The following ADAMTS2 variants were observed in gnomAD, a reference collection of about 807,000 sequenced individuals.
The protein encoded by ADAMTS2 is A disintegrin and metalloproteinase with thrombospondin motifs 2.
In ADAMTS2, 50 loss-of-function variants were observed where a neutral mutation model predicts 123.0. That is an observed-to-expected ratio of 0.41 (90% confidence interval 0.32 to 0.51). The LOEUF (loss-of-function observed/expected upper bound fraction) is 0.51, where lower values mean the gene tolerates loss of function less well. Ranked by LOEUF, ADAMTS2 falls within the 20% of genes least tolerant of loss-of-function variation. The pLI is 0.35. For synonymous variants in ADAMTS2, 678 were observed against 695.4 expected, an observed-to-expected ratio of 0.98 and a Z score of 0.39; for missense variants, 1,494 against 1,705.2, an observed-to-expected ratio of 0.88 and a Z score of 2.18.
intron 4 of ADAMTS2, among the ~76,000 whole-genome samples, chr5:179,195,669 G>T (rs1284647311): frequency 6.6e-6 from 1 of 152,218 alleles, no homozygotes; most frequent in Non-Finnish European, 1.5e-5. Context: ...GGCCCCTCGG[G>T]CCTGGCTACT....
At chr5:179,271,586 G>A (rs893526972) in intron 3 of ADAMTS2, among the ~76,000 whole-genome samples, 1 of 152,174 alleles carries the variant, frequency 6.6e-6, no homozygotes, top group African/African-American at 2.4e-5. Flanking sequence ...TCCAAGGGTG[G>A]GGATAAGTCG....
At chr5:179,198,289 G>A (rs879654749) in intron 4 of ADAMTS2, among the ~76,000 whole-genome samples, 1 of 152,210 alleles carries the variant, frequency 6.6e-6, no homozygotes, top group Admixed American at 6.5e-5. Context: ...GGGAATAGAA[G>A]TCACTCTGCC....
At chr5:179,208,594 C>A (rs1581191422) in intron 3 of ADAMTS2, among the ~76,000 whole-genome samples, 1 of 152,154 alleles carries the variant, frequency 6.6e-6, no homozygotes, top group East Asian at 1.9e-4. Context: ...CTGCTGTGTT[C>A]TGTGTCCTGC....
chr5:179,336,158 C>T (rs1433965073), intron 2 of ADAMTS2, among the ~76,000 whole-genome samples: 1 of 152,230 alleles, frequency 6.6e-6, no homozygotes, highest in African/African-American at 2.4e-5. Flanking sequence ...ATGCAATCGG[C>T]GGGTCTCAGG....
At position 179,128,438 on chromosome 5, in the gene ADAMTS2, G is replaced by A. The variant is rs1475507075; in HGVS notation, c.2458-320C>T. 2.0e-5 allele frequency among the ~76,000 whole-genome samples: 3 copies of A among 152,150 alleles called. No homozygotes were observed. Among genetic ancestry groups the A allele is most frequent in the Admixed American group, 6.5e-5 (1 of 15,276 alleles). On this transcript the variant is annotated intron_variant, in intron 16 of 21. Transcript: ENST00000251582. This position sits in a 1 kb window ranked among gnomAD's most constrained non-coding sequence, Gnocchi z 4.9. ...ATGGAGTTTCGCTCTTGTAGCCCAGGCTGGAGTGTAGTGGCACGATCTCGG... is the reference window on the plus strand; with the variant it reads ...ATGGAGTTTCGCTCTTGTAGCCCAGACTGGAGTGTAGTGGCACGATCTCGG...
At chr5:179,147,302 T>C (rs1763268051) in intron 10 of ADAMTS2, among the ~76,000 whole-genome samples, 1 of 152,180 alleles carries the variant, frequency 6.6e-6, no homozygotes, top group Non-Finnish European at 1.5e-5. Flanking sequence ...TTGGCCAGGC[T>C]GGTCTCGAAC....
chr5:179,287,007 A>G (rs1756039322), intron 2 of ADAMTS2, among the ~76,000 whole-genome samples: 1 of 152,138 alleles, frequency 6.6e-6, no homozygotes, highest in Admixed American at 6.5e-5. Context: ...ATCCTGATCT[A>G]CGGGAGTTTA....
At position 179,314,425 on chromosome 5, in the gene ADAMTS2, C is replaced by T. The variant is rs1025637629; in HGVS notation, c.534+29342G>A. ...GGCCAGGCTCCTCCCCACCCCGTGG[C>T]GTGGCGTGGCGTGGCCGGAATACTC... On this transcript the variant is annotated intron_variant, in intron 2 of 21. Transcript: ENST00000251582. This position sits in a 1 kb window ranked among gnomAD's most constrained non-coding sequence, Gnocchi z 4.5. Among the ~76,000 whole-genome samples, 2 of 146,180 alleles carry T rather than the reference C, an allele frequency of 1.4e-5. No individual in the cohort carries two copies. The highest frequency in any genetic ancestry group is 5.6e-5 in the African/African-American group (2 of 35,960).
intron 2 of ADAMTS2, among the ~76,000 whole-genome samples, chr5:179,299,323 A>T (rs1352805938): frequency 3.1e-5 from 3 of 98,028 alleles, no homozygotes; most frequent in East Asian, 2.9e-4. Flanking sequence ...AGGTCAGGAG[A>T]TGGAGACCAT....
At chr5:179,238,759 C>T (rs1053363653) in intron 3 of ADAMTS2, among the ~76,000 whole-genome samples, 1 of 151,952 alleles carries the variant, frequency 6.6e-6, no homozygotes, top group Admixed American at 6.6e-5. Context: ...GGTAGGTGGC[C>T]CGGGTGCTGG....
chr5:179,331,289 G>A (rs1404211266), intron 2 of ADAMTS2, among the ~76,000 whole-genome samples: 5 of 140,708 alleles, frequency 3.6e-5, no homozygotes, highest in African/African-American at 1.3e-4. Context: ...GGAGAATGGA[G>A]AGAAAAGGGA....
At chr5:179,320,943 G>A (rs547716896) in intron 2 of ADAMTS2, among the ~76,000 whole-genome samples, 2 of 152,140 alleles carry the variant, frequency 1.3e-5, no homozygotes, top group African/African-American at 4.8e-5. Flanking sequence ...CGACACAGAG[G>A]AGAGCAAAGC....
rs1390367588 is a variant in ADAMTS2 at position 179,303,015 on chromosome 5, G to A, written c.535-29951C>T. ...GGTGGGCCTGGGTGGGGTACAGGAG[G>A]TCAGAGTGGTGGGCGGGGGCAGACT... On this transcript the variant is annotated intron_variant, in intron 2 of 21. Transcript: ENST00000251582. This position sits in a 1 kb window ranked among gnomAD's most constrained non-coding sequence, Gnocchi z 4.7. 6.6e-6 allele frequency among the ~76,000 whole-genome samples: 1 copy of A among 150,650 alleles called. No individual in the cohort carries two copies. The highest frequency in any genetic ancestry group is 1.5e-5 in the Non-Finnish European group (1 of 67,572).
Position 179,309,784 on chromosome 5 carries a change from A to G in ADAMTS2, c.534+33983T>C, listed in dbSNP as rs1383632723. On this transcript the variant is annotated intron_variant, in intron 2 of 21. Coordinates refer to ENST00000251582, the MANE Select transcript of ADAMTS2 (RefSeq NM_014244.5). The stretch of plus-strand genomic sequence containing the variant: ...AAAAAAAAAAAAAAAAAAAAAAAAA[A>G]GGCTCTGGCCCTGCCACTTGACCGG... 5.1e-5 allele frequency among the ~76,000 whole-genome samples: 7 copies of G among 137,918 alleles called. No homozygotes were observed. In the East Asian group the frequency reaches 8.7e-4, roughly 17 times the overall value. The allele number at this position is 137,918 out of a possible 152,430, so 90.5% of individuals were successfully genotyped here.
chr5:179,223,524 A>ATG (rs1429715223), intron 3 of ADAMTS2, among the ~76,000 whole-genome samples: 1 of 147,032 alleles, frequency 6.8e-6, no homozygotes, highest in South Asian at 2.2e-4. Flanking sequence ...ATGCACTCAC[A>ATG]CACATGCACT....
At position 179,197,060 on chromosome 5, in the gene ADAMTS2, T is replaced by A. The variant is rs1764446212; in HGVS notation, c.891+10453A>T. Among the ~76,000 whole-genome samples the A allele has an allele frequency of 6.6e-6, 1 of 152,250 alleles. No homozygotes were observed. The highest frequency in any genetic ancestry group is 2.4e-5 in the African/African-American group (1 of 41,476). ...TTAATGTAAAACTGATGTTTTAAAA[T>A]GCTTACCATCCAAAAAAGGGGCCAC... On this transcript the variant is annotated intron_variant, in intron 4 of 21. Transcript: ENST00000251582. The surrounding 1 kb of genome is among the most constrained non-coding windows in gnomAD (Gnocchi z 4.2).
Position 179,345,373 on chromosome 5 carries a change from A to G in ADAMTS2, c.-45T>C, listed in dbSNP as rs886060500. 1.8e-6 allele frequency: 2 copies of G among 1,111,932 alleles called. No individual in the cohort carries two copies. The highest frequency in any genetic ancestry group is 1.7e-5 in the African/African-American group (1 of 60,106). The allele number at this position is 1,111,932 out of a possible 1,614,324, so 68.9% of individuals were successfully genotyped here. ...GGGCCCCGCACTCGCAGCCGGCGCG[A>G]AAGTTCCCCGCGAGCCGCCCAGCCC... On this transcript the variant is annotated 5_prime_UTR_variant, in exon 1 of 22. Coordinates refer to ENST00000251582, the MANE Select transcript of ADAMTS2 (RefSeq NM_014244.5). The surrounding 1 kb of genome is among the most constrained non-coding windows in gnomAD (Gnocchi z 7.5).
chr5:179,259,706 C>T (rs1033757797), intron 3 of ADAMTS2, among the ~76,000 whole-genome samples: 4 of 152,250 alleles, frequency 2.6e-5, no homozygotes, highest in African/African-American at 9.6e-5. Flanking sequence ...TCGCCATCTG[C>T]AGTCTGGCAT....
chr5:179,216,600 C>T (rs1764987858), intron 3 of ADAMTS2, among the ~76,000 whole-genome samples: 1 of 152,224 alleles, frequency 6.6e-6, no homozygotes, highest in Non-Finnish European at 1.5e-5. Flanking sequence ...CACGACTTCC[C>T]CAGGAGGGGC....
Sources: gnomAD v4.1 joint callset for allele counts (sites outside exome capture counted in the v4.1 genomes callset) on GRCh38, gnomAD v4.1.1 for gene constraint, Gnocchi (gnomAD v3.1) non-coding constraint, MANE v1.5 for transcripts, NCBI Gene and HGNC (gene_info 2026-07-23, HGNC 2026-07-21) for gene names.